Variants in ALDH1A2 observed in about 807,000 individuals in gnomAD.
ALDH1A2 encodes retinal dehydrogenase 2.
ALDH1A2 carries 27 observed loss-of-function variants against 60.3 expected under a neutral mutation model. That is an observed-to-expected ratio of 0.45 (90% CI 0.33 to 0.62). The LOEUF is 0.62. ALDH1A2 is among the 20% of genes least tolerant of loss of function. The pLI, the probability that ALDH1A2 is intolerant of heterozygous loss-of-function variation, is 0.02. For synonymous variants in ALDH1A2, 289 were observed against 232.4 expected, an observed-to-expected ratio of 1.24 and a Z score of -2.21; for missense variants, 581 against 643.8, an observed-to-expected ratio of 0.90 and a Z score of 1.06.
chr15:58,012,643 T>A (rs535629625), intron 3 of ALDH1A2, among the ~76,000 whole-genome samples: 1 of 152,158 alleles, frequency 6.6e-6, no homozygotes, highest in Non-Finnish European at 1.5e-5. Flanking sequence ...GAGTGCCAGA[T>A]TAGAAAATAT....
chr15:58,013,717 G>C (rs35929116), intron 3 of ALDH1A2, 141 bp downstream of exon 3: 1 of 1,147,270 alleles, frequency 8.7e-7, no homozygotes. Flanking sequence ...GTGCCACTGC[G>C]CTCCAGCCTG....
chr15:58,052,062 T>A (rs1343435212), intron 1 of ALDH1A2, among the ~76,000 whole-genome samples: 1 of 152,152 alleles, frequency 6.6e-6, no homozygotes, highest in Non-Finnish European at 1.5e-5. Flanking sequence ...ATATGGTAAG[T>A]CCTTAGCAAA....
Position 57,992,993 on chromosome 15 carries a change from T to A in ALDH1A2, c.636A>T (p.Ala212=). ...AGAGTGCACTGAGTGGTGTTTGCTCTGCTGGCTTAATAACTACTGTATTGC... is the reference window on the plus strand; with the variant it reads ...AGAGTGCACTGAGTGGTGTTTGCTCAGCTGGCTTAATAACTACTGTATTGC... ...CCGNTVVIKP[A]EQTPLSALYM... is the part of the protein sequence containing the mutation. The change falls in exon 6 of 13, where the codon GCA becomes GCT. Residue 212 remains alanine (A), a synonymous_variant. Transcript: ENST00000249750. 6.2e-7 allele frequency: 1 copy of A among 1,614,036 alleles called. No homozygotes were observed. The highest frequency in any genetic ancestry group is 8.5e-7 in the Non-Finnish European group (1 of 1,179,996).
chr15:57,972,748 G>T (rs1596073210), intron 7 of ALDH1A2, among the ~76,000 whole-genome samples: 1 of 152,066 alleles, frequency 6.6e-6, no homozygotes, highest in African/African-American at 2.4e-5. Flanking sequence ...ACATGAAACT[G>T]GTTTTTTCAA....
At chr15:57,963,103 T>C (rs1482920144) in intron 9 of ALDH1A2, among the ~76,000 whole-genome samples, 2 of 152,118 alleles carry the variant, frequency 1.3e-5, no homozygotes, top group Non-Finnish European at 2.9e-5. Context: ...TTTCACAAGC[T>C]ACAAGGGATC....
chr15:57,958,045 T>C (rs1596062189), intron 12 of ALDH1A2, among the ~76,000 whole-genome samples: 1 of 152,090 alleles, frequency 6.6e-6, no homozygotes. Flanking sequence ...TCCTGGGCAG[T>C]GATGTATACT....
intron 1 of ALDH1A2, among the ~76,000 whole-genome samples, chr15:58,061,606 A>AC (rs1171720093): frequency 5.7e-5 from 8 of 141,062 alleles, no homozygotes; most frequent in East Asian, 2.0e-4. Context: ...AAAAAAAAAA[A>AC]AAACAAAAAA....
chr15:58,003,836 AATG>A lies in ALDH1A2; in HGVS notation c.493+6810_493+6812del, dbSNP rs546343405. 1.6e-3 allele frequency among the ~76,000 whole-genome samples: 248 copies of A among 152,034 alleles called. 1 individual carries two copies. The highest frequency in any genetic ancestry group is 0.011 in the Admixed American group (163 of 15,240). ...AAAAAAGTGTTCCATAGGTCATAGT[AATG>A]ATTATTATTTATCATCATAATTAGG... On this transcript the variant is annotated intron_variant, in intron 4 of 12. Transcript: ENST00000249750.
chr15:57,980,583 G>A (rs879126110), intron 7 of ALDH1A2: 32 of 273,400 alleles, frequency 1.2e-4, no homozygotes, highest in Non-Finnish European at 1.2e-4. Context: ...TTGGGCAGGA[G>A]CCAGTTCTTG....
Position 57,962,132 on chromosome 15 carries a change from A to G in ALDH1A2, c.1131T>C (p.Ser377=), listed in dbSNP as rs1437107178. 6.2e-7 allele frequency: 1 copy of G among 1,613,940 alleles called. No individual in the cohort carries two copies. The highest frequency in any genetic ancestry group is 8.5e-7 in the Non-Finnish European group (1 of 1,179,964). The change falls in exon 10 of 13, where the codon AGT becomes AGC. Residue 377 remains serine (S), a synonymous_variant. Coordinates refer to ENST00000249750, the MANE Select transcript of ALDH1A2 (RefSeq NM_003888.4). The part of the protein sequence containing the change: ...QYNKILELIQ[S]GVAEGAKLEC... ...CCAGCTTGGCGCCCTCAGCCACACC[A>G]CTCTGGATGAGTTCCAAGATCTTGT...
rs185991306 is a variant in ALDH1A2, at chr15:58,008,465, C to T, written c.493+2184G>A. On this transcript the variant is annotated intron_variant, in intron 4 of 12. Transcript: ENST00000249750. ...CTTATGGGCCAACCACCTCTATTGC[C>T]AGATCAAGTTACATTAAAGCTTCAA... Among the ~76,000 whole-genome samples the T allele has an allele frequency of 3.2e-3, 480 of 152,130 alleles. 4 individuals are homozygous for T. Among genetic ancestry groups the T allele is most frequent in the African/African-American group, 0.011 (442 of 41,506 alleles).
intron 1 of ALDH1A2, among the ~76,000 whole-genome samples, chr15:58,033,795 A>G (rs1896307076): frequency 6.7e-6 from 1 of 149,556 alleles, no homozygotes; most frequent in Non-Finnish European, 1.5e-5. Context: ...TCAGTTGACT[A>G]CATTTGTGTG....
intron 4 of ALDH1A2, among the ~76,000 whole-genome samples, chr15:58,000,327 T>C (rs1301370958): frequency 6.6e-6 from 1 of 151,908 alleles, no homozygotes; most frequent in Non-Finnish European, 1.5e-5. Context: ...TGTGGGCACC[T>C]TCAGCTAGGG....
At chr15:58,058,331 G>C (rs1896945306) in intron 1 of ALDH1A2, among the ~76,000 whole-genome samples, 1 of 151,892 alleles carries the variant, frequency 6.6e-6, no homozygotes, top group South Asian at 2.1e-4. Flanking sequence ...TAAATAATTA[G>C]TGGGTTTCCT....
intron 1 of ALDH1A2, among the ~76,000 whole-genome samples, chr15:58,029,435 GA>G (rs1566954238): frequency 2.0e-5 from 3 of 152,118 alleles, no homozygotes; most frequent in African/African-American, 7.2e-5. Context: ...GCCCACAAGA[GA>G]AAGCAGGAAA....
At chr15:58,016,717 C>T (rs1895798496) in intron 1 of ALDH1A2, among the ~76,000 whole-genome samples, 1 of 151,930 alleles carries the variant, frequency 6.6e-6, no homozygotes, top group Non-Finnish European at 1.5e-5. Context: ...ATTACTTCAT[C>T]ATCACTCATC....
At chr15:58,001,053 AG>A (rs1170904009) in intron 4 of ALDH1A2, among the ~76,000 whole-genome samples, 185 of 150,820 alleles carry the variant, frequency 1.2e-3, no homozygotes, top group African/African-American at 4.1e-3. Flanking sequence ...AAAAAAAAAA[AG>A]AATGAAAACA....
chr15:58,014,377 G>T, intron 1 of ALDH1A2, 96 bp from the exon 2 acceptor site: 1 of 926,434 alleles, frequency 1.1e-6, no homozygotes, highest in South Asian at 1.3e-5. Flanking sequence ...AATAACACTT[G>T]TTGTATAATA....
intron 7 of ALDH1A2, among the ~76,000 whole-genome samples, chr15:57,966,857 G>A (rs748400193): frequency 3.3e-5 from 5 of 152,128 alleles, no homozygotes; most frequent in African/African-American, 7.2e-5. Flanking sequence ...CTCCAACTCC[G>A]TGAATGCTCC....
Sources: allele counts gnomAD v4.1 joint callset (sites outside exome capture counted in the v4.1 genomes callset), GRCh38; gene constraint gnomAD v4.1.1; transcripts MANE v1.5; gene names NCBI Gene and HGNC (gene_info 2026-07-23, HGNC 2026-07-21).